The following ZNF292 variants were observed in gnomAD, a reference collection of about 807,000 sequenced individuals.
ZNF292 encodes zinc finger protein 292.
ZNF292 carries 26 observed loss-of-function variants against 217.9 expected under a neutral mutation model. The observed-to-expected ratio is 0.12, with a 90% CI of 0.09 to 0.17. The LOEUF is 0.17. Among genes scored for constraint, ZNF292 ranks in the 10% least tolerant of loss-of-function variants. The pLI, the probability that ZNF292 is intolerant of heterozygous loss-of-function variation, is 1.00. For missense variants in ZNF292, 2,904 were observed against 3,175.2 expected (o/e 0.91, Z 2.05); for synonymous variants, 1,257 against 1,124.1 (o/e 1.12, Z -2.37).
chr6:87,186,624 A>T (rs1373755341), intron 1 of ZNF292, among the ~76,000 whole-genome samples: 1 of 152,182 alleles, frequency 6.6e-6, no homozygotes, highest in African/African-American at 2.4e-5. Context: ...CATGCCTGTA[A>T]TCCCAGCATT....
At chr6:87,174,717 G>T (rs1486505671) in intron 1 of ZNF292, among the ~76,000 whole-genome samples, 1 of 152,056 alleles carries the variant, frequency 6.6e-6, no homozygotes, top group Non-Finnish European at 1.5e-5. Flanking sequence ...ACGTACTAAG[G>T]CCCATTAAAC....
chr6:87,216,574 T>C (rs192764817), intron 3 of ZNF292, among the ~76,000 whole-genome samples, 197 bp downstream of exon 3: 1 of 152,170 alleles, frequency 6.6e-6, no homozygotes, highest in Admixed American at 6.5e-5. Context: ...TTTAGATAGA[T>C]TGAATAATCG....
chr6:87,167,893 C>T (rs1562119719), intron 1 of ZNF292, among the ~76,000 whole-genome samples: 2 of 152,182 alleles, frequency 1.3e-5, no homozygotes, highest in Non-Finnish European at 1.5e-5. Flanking sequence ...GAGTGTAGTC[C>T]TTTCTTTACC....
intron 5 of ZNF292, among the ~76,000 whole-genome samples, chr6:87,240,048 C>T (rs1243955516): frequency 6.6e-6 from 1 of 152,132 alleles, no homozygotes; most frequent in Non-Finnish European, 1.5e-5. Context: ...CCACTGCACT[C>T]CAGCCTGGGC....
intron 4 of ZNF292, chr6:87,223,766 T>G (rs570994955): frequency 3.3e-5 from 5 of 152,382 alleles, no homozygotes; most frequent in African/African-American, 1.2e-4. Flanking sequence ...TGGGTTTTGT[T>G]TTTTGTGTGA....
chr6:87,183,675 A>C (rs1200121362), intron 1 of ZNF292, among the ~76,000 whole-genome samples: 1 of 152,270 alleles, frequency 6.6e-6, no homozygotes, highest in Non-Finnish European at 1.5e-5. Context: ...TAAAATAGGC[A>C]GTAATGACAT....
intron 4 of ZNF292, among the ~76,000 whole-genome samples, chr6:87,224,448 T>TAAA (rs200524257): frequency 6.9e-6 from 1 of 144,782 alleles, no homozygotes; most frequent in Admixed American, 6.9e-5. Flanking sequence ...TTTCACTCCC[T>TAAA]AAAAAAAAAA....
At chr6:87,209,960 T>A (rs1772412913) in intron 1 of ZNF292, among the ~76,000 whole-genome samples, 1 of 152,312 alleles carries the variant, frequency 6.6e-6, no homozygotes, top group Non-Finnish European at 1.5e-5. Context: ...AATGTAATAA[T>A]ATAACCATAA....
At chr6:87,252,484 CATT>C (rs1465145220) in intron 7 of ZNF292, among the ~76,000 whole-genome samples, 6 of 152,254 alleles carry the variant, frequency 3.9e-5, no homozygotes, top group African/African-American at 1.4e-4. Context: ...ATTTCTCCAT[CATT>C]TCCTGAATTT....
At chr6:87,164,086 C>G (rs1017384156) in intron 1 of ZNF292, among the ~76,000 whole-genome samples, 6 of 152,158 alleles carry the variant, frequency 3.9e-5, no homozygotes, top group African/African-American at 1.4e-4. Flanking sequence ...TACAAACTAT[C>G]CAAAAACTTA....
At chr6:87,230,764 A>T (rs1158387740) in intron 4 of ZNF292, among the ~76,000 whole-genome samples, 5 of 151,932 alleles carry the variant, frequency 3.3e-5, no homozygotes, top group African/African-American at 1.2e-4. Context: ...TGACATAGGA[A>T]GAAGGCTCTT....
intron 1 of ZNF292, among the ~76,000 whole-genome samples, chr6:87,211,417 C>G (rs575652516): frequency 6.7e-6 from 1 of 150,236 alleles, no homozygotes; most frequent in South Asian, 2.1e-4. Flanking sequence ...ATTGGATTTA[C>G]AAGTCAATTT....
At chr6:87,238,139 T>G (rs1157658777) in intron 5 of ZNF292, among the ~76,000 whole-genome samples, 1 of 152,186 alleles carries the variant, frequency 6.6e-6, no homozygotes, top group Non-Finnish European at 1.5e-5. Context: ...GTTGGTATGT[T>G]GCATGTATAT....
chr6:87,222,117 A>T (rs1582445919), intron 4 of ZNF292, among the ~76,000 whole-genome samples: 1 of 151,924 alleles, frequency 6.6e-6, no homozygotes, highest in Non-Finnish European at 1.5e-5. Flanking sequence ...TGTCTCCCCA[A>T]CTTGTCAAGA....
intron 4 of ZNF292, chr6:87,222,638 C>G (rs1773140256): frequency 3.7e-6 from 1 of 267,438 alleles, no homozygotes; most frequent in Non-Finnish European, 7.9e-6. Context: ...CGTTTTCACT[C>G]TCATTAATAT....
At chr6:87,164,436 C>T (rs1316490964) in intron 1 of ZNF292, among the ~76,000 whole-genome samples, 2 of 152,156 alleles carry the variant, frequency 1.3e-5, no homozygotes, top group Non-Finnish European at 2.9e-5. Flanking sequence ...AACTCAGCCA[C>T]CTTGTGGGAA....
intron 1 of ZNF292, among the ~76,000 whole-genome samples, chr6:87,186,534 T>C (rs574294639): frequency 5.9e-5 from 9 of 152,346 alleles, no homozygotes; most frequent in African/African-American, 1.7e-4. Flanking sequence ...AACTAACTTA[T>C]GATACTGTAT....
chr6:87,180,088 A>G (rs1320218715), intron 1 of ZNF292, among the ~76,000 whole-genome samples: 1 of 152,208 alleles, frequency 6.6e-6, no homozygotes, highest in Non-Finnish European at 1.5e-5. Flanking sequence ...CCTGGGCCAC[A>G]TTGAAAGAAT....
chr6:87,160,305 T>C (rs1770689975), intron 1 of ZNF292, among the ~76,000 whole-genome samples: 1 of 152,170 alleles, frequency 6.6e-6, no homozygotes, highest in Non-Finnish European at 1.5e-5. Flanking sequence ...AATTGGCCAT[T>C]GTAATAGTTG....
Sources: allele counts gnomAD v4.1 joint callset (sites outside exome capture counted in the v4.1 genomes callset), GRCh38; gene constraint gnomAD v4.1.1; transcripts MANE v1.5; gene names NCBI Gene and HGNC (gene_info 2026-07-23, HGNC 2026-07-21).